ZNF469: variants seen among roughly 807,000 people sequenced by gnomAD.
ZNF469 encodes zinc finger protein 469.
Under a neutral mutation model 1.0 loss-of-function variants are expected in ZNF469, and 1 was observed. That is an observed-to-expected ratio of 1.00 (90% CI 0.35 to 4.73). The LOEUF (loss-of-function observed/expected upper bound fraction) is 4.73. ZNF469 is among the 30% of genes most tolerant of loss of function. The pLI, the probability that ZNF469 is intolerant of heterozygous loss-of-function variation, is 0.16. For missense variants in ZNF469, 6,100 were observed against 5,356.3 expected (o/e 1.14, Z -4.33); for synonymous variants, 2,703 against 2,363.4 (o/e 1.14, Z -4.17).
the ZNF469 span, among the ~76,000 whole-genome samples, chr16:88,292,560 C>T: frequency 0.27 from 41,694 of 151,716 alleles, 6,176 homozygotes; most frequent in Non-Finnish European, 0.34. Context: ...GGTCAGAAAA[C>T]GGGTTGAGTG....
the ZNF469 span, among the ~76,000 whole-genome samples, chr16:88,228,311 G>A: frequency 6.6e-6 from 1 of 152,288 alleles, no homozygotes; most frequent in Non-Finnish European, 1.5e-5. Flanking sequence ...AGGTCGCCCT[G>A]TGGGTCCCGT....
the ZNF469 span, among the ~76,000 whole-genome samples, chr16:88,176,319 G>T: frequency 1.3e-3 from 199 of 150,296 alleles, no homozygotes; most frequent in African/African-American, 4.5e-3. Flanking sequence ...GACATCACTG[G>T]CGCTGCTCCT....
chr16:88,192,667 ATGATGATGGTGGTGATGG>A, the ZNF469 span, among the ~76,000 whole-genome samples: 2 of 152,282 alleles, frequency 1.3e-5, no homozygotes, highest in African/African-American at 4.8e-5. Flanking sequence ...GATGGTGGTA[ATGATGATGGTGGTGATGG>A]TGATGATGGT....
chr16:88,241,797 G>A, the ZNF469 span, among the ~76,000 whole-genome samples: 5 of 152,052 alleles, frequency 3.3e-5, no homozygotes, highest in South Asian at 2.1e-4. This position sits in a 1 kb window ranked among gnomAD's most constrained non-coding sequence, Gnocchi z 4.8. Context: ...GTGGAACAAC[G>A]TGCTCCCAGC....
Position 88,436,902 on chromosome 16 carries a change from C to G in ZNF469, c.9432C>G (p.Thr3144=). ...KLAHTPAPPP[T]CYMCVERRFG... The stretch of plus-strand genomic sequence containing the variant: ...CCCACACGCCCGCGCCGCCGCCCAC[C>G]TGCTACATGTGCGTGGAGCGCAGGT... The change falls in exon 3 of 3, where the codon ACC becomes ACG. Residue 3144 remains threonine (T), a synonymous_variant. Coordinates refer to ENST00000565624, the MANE Select transcript of ZNF469 (RefSeq NM_001367624.2). 2 of 1,502,910 alleles carry G rather than the reference C, an allele frequency of 1.3e-6. No homozygotes were observed. The highest frequency in any genetic ancestry group is 1.3e-5 in the South Asian group (1 of 79,208). The allele number at this position is 1,502,910 out of a possible 1,614,324, so 93.1% of individuals were successfully genotyped here.
intron 1 of ZNF469, among the ~76,000 whole-genome samples, chr16:88,392,440 C>T (rs548276854): frequency 1.8e-4 from 27 of 152,366 alleles, no homozygotes; most frequent in Non-Finnish European, 1.0e-4. Context: ...AAGCCACACC[C>T]GACTTTTGTG....
chr16:88,184,051 G>A, the ZNF469 span, among the ~76,000 whole-genome samples: 15 of 152,004 alleles, frequency 9.9e-5, no homozygotes, highest in African/African-American at 3.1e-4. Flanking sequence ...ACTTTGAGGC[G>A]GGCAGAAGTG....
At chr16:88,265,565 T>C in the ZNF469 span, among the ~76,000 whole-genome samples, 39 of 152,234 alleles carry the variant, frequency 2.6e-4, no homozygotes, top group African/African-American at 8.4e-4. Context: ...AAGGAGTGCG[T>C]GCAGCGTGTG....
upstream of ZNF469, among the ~76,000 whole-genome samples, chr16:88,379,600 A>G (rs1599339104): frequency 1.3e-5 from 2 of 152,202 alleles, 1 homozygote; most frequent in Middle Eastern, 6.8e-3. Context: ...ACCTCCCGCC[A>G]TTGACACCTG....
At chr16:88,152,831 C>G in the ZNF469 span, among the ~76,000 whole-genome samples, 4 of 152,200 alleles carry the variant, frequency 2.6e-5, no homozygotes, top group Non-Finnish European at 1.5e-5. This position sits in a 1 kb window ranked among gnomAD's most constrained non-coding sequence, Gnocchi z 4.2. Flanking sequence ...GTTTCTGACA[C>G]AAACCGCTGT....
At position 88,433,323 on chromosome 16, in the gene ZNF469, C is replaced by T. The variant is rs1409689399; in HGVS notation, c.5853C>T (p.Ala1951=). The T allele has an allele frequency of 2.3e-5, 36 of 1,550,182 alleles. No homozygotes were observed. The highest frequency in any genetic ancestry group is 2.5e-5 in the Non-Finnish European group (29 of 1,146,910). Residue 1951 remains alanine (A), a synonymous_variant, in exon 3 of 3, where the codon GCC becomes GCT. Transcript: ENST00000565624. ...GCACTGTGGAAGGAGGGAAGGTGGC[C>T]TGTGGCCCCGCCCAGGGCTCCCCAG... ...EGGTVEGGKV[A]CGPAQGSPGG...
At chr16:88,111,006 A>G in the ZNF469 span, among the ~76,000 whole-genome samples, 1 of 152,258 alleles carries the variant, frequency 6.6e-6, no homozygotes, top group Non-Finnish European at 1.5e-5. Flanking sequence ...GCTGCGGCCC[A>G]GACGGGCACT....
At chr16:88,413,126 G>A (rs112543225) in intron 1 of ZNF469, among the ~76,000 whole-genome samples, 1 of 152,172 alleles carries the variant, frequency 6.6e-6, no homozygotes, top group Admixed American at 6.5e-5. Context: ...TCCAAGGCAC[G>A]GGGGCCATAG....
chr16:88,395,053 GC>G (rs1179659946), intron 1 of ZNF469, among the ~76,000 whole-genome samples: 1 of 152,294 alleles, frequency 6.6e-6, no homozygotes, highest in East Asian at 1.9e-4. Flanking sequence ...TGGCTCACGT[GC>G]CCCCCGCCGC....
At chr16:88,361,581 T>A in the ZNF469 span, among the ~76,000 whole-genome samples, 4 of 152,334 alleles carry the variant, frequency 2.6e-5, no homozygotes, top group Non-Finnish European at 5.9e-5. Context: ...CTGTTCTAAT[T>A]CTTTATATGC....
the ZNF469 span, among the ~76,000 whole-genome samples, chr16:88,318,881 G>A: frequency 6.6e-6 from 1 of 152,268 alleles, no homozygotes; most frequent in African/African-American, 2.4e-5. Flanking sequence ...GCCCTCACGT[G>A]GTGACCGTCC....
At chr16:88,328,239 G>A in the ZNF469 span, among the ~76,000 whole-genome samples, 7 of 152,254 alleles carry the variant, frequency 4.6e-5, no homozygotes, top group Admixed American at 6.5e-5. Flanking sequence ...CTTTCTGCAC[G>A]TGTACTGTAT....
chr16:88,434,056 C>A lies in ZNF469; in HGVS notation c.6586C>A (p.Pro2196Thr), dbSNP rs1171168837. Residue 2196 changes from proline (P) to threonine (T), a missense_variant, in exon 3 of 3, where the codon CCC (proline) becomes ACC (threonine). Transcript: ENST00000565624. ...DTGAEDSPVA[P>T]PSLTTSPCDP... is the part of the protein sequence containing the mutation. ...TGGGGCTGAGGATTCCCCGGTGGCT[C>A]CCCCGTCTTTGACAACAAGCCCCTG... is the stretch of plus-strand genomic sequence containing the variant. 1 of 1,550,144 alleles carries A rather than the reference C, an allele frequency of 6.5e-7. No individual in the cohort carries two copies. Among genetic ancestry groups the A allele is most frequent in the Non-Finnish European group, 8.7e-7 (1 of 1,146,884 alleles).
chr16:88,293,816 G>T, the ZNF469 span, among the ~76,000 whole-genome samples: 43,508 of 152,058 alleles, frequency 0.29, 6,756 homozygotes, highest in Non-Finnish European at 0.35. Context: ...GGGACTGTGG[G>T]TGGGAATTGT....
Sources: gnomAD v4.1 joint callset for allele counts (sites outside exome capture counted in the v4.1 genomes callset) on GRCh38, gnomAD v4.1.1 for gene constraint, Gnocchi (gnomAD v3.1) non-coding constraint, MANE v1.5 for transcripts, NCBI Gene and HGNC (gene_info 2026-07-23, HGNC 2026-07-21) for gene names.